The following ASAH2 variants were observed in gnomAD, a reference collection of about 807,000 sequenced individuals.
The protein encoded by ASAH2 is neutral ceramidase.
A neutral mutation model predicts 82.9 loss-of-function variants in ASAH2; 58 were observed. The ratio of observed to expected loss-of-function variants is 0.70; its 90% CI spans 0.57 to 0.87. The LOEUF (loss-of-function observed/expected upper bound fraction) is 0.87. Ranked by LOEUF, ASAH2 falls within the 40% of genes least tolerant of loss-of-function variation. ASAH2 has a pLI of 0.00. For missense variants in ASAH2, 779 were observed against 834.0 expected (o/e 0.93, Z 0.81); for synonymous variants, 276 against 289.7 (o/e 0.95, Z 0.48).
At chr10:50,222,680 A>C (rs915544586) in intron 7 of ASAH2, among the ~76,000 whole-genome samples, 2 of 152,206 alleles carry the variant, frequency 1.3e-5, no homozygotes, top group African/African-American at 4.8e-5. Flanking sequence ...AAAGTTATTT[A>C]AATTGAAGGA....
At chr10:50,197,175 G>A (rs1361924785) in intron 17 of ASAH2, among the ~76,000 whole-genome samples, 6 of 151,332 alleles carry the variant, frequency 4.0e-5, no homozygotes, top group Non-Finnish European at 7.4e-5. Context: ...ACAACATAAG[G>A]ACAGTGACCA....
At chr10:50,195,576 G>A (rs1179752047) in intron 18 of ASAH2, among the ~76,000 whole-genome samples, 1 of 151,404 alleles carries the variant, frequency 6.6e-6, no homozygotes, top group Non-Finnish European at 1.5e-5. Context: ...TCAGTTTGTT[G>A]AAGAGATATG....
At chr10:50,210,729 A>T in intron 12 of ASAH2, 94 bp downstream of exon 12, 2 of 1,138,804 alleles carry the variant, frequency 1.8e-6, no homozygotes, top group Non-Finnish European at 2.7e-6. Flanking sequence ...TTTAAAAATT[A>T]ATAAATGTAT....
intron 7 of ASAH2, among the ~76,000 whole-genome samples, chr10:50,222,547 T>C (rs1845776706): frequency 6.6e-6 from 1 of 152,214 alleles, no homozygotes; most frequent in Non-Finnish European, 1.5e-5. Context: ...CCTAAAGTAC[T>C]GCTTTTACAG....
In ASAH2 at chr10:50,251,432, G is replaced by A. The variant is rs1048135748; in HGVS notation, c.-74C>T. 3.9e-5 allele frequency among the ~76,000 whole-genome samples: 6 copies of A among 152,184 alleles called. No individual in the cohort carries two copies. The highest frequency in any genetic ancestry group is 4.1e-4 in the South Asian group (2 of 4,820). On this transcript the variant is annotated 5_prime_UTR_variant, in exon 1 of 21. Coordinates refer to ENST00000682911, the MANE Select transcript of ASAH2 (RefSeq NM_019893.4). ...CTCAAAAGAGGTTTTGCATCCCAGTGAAGCAAATGGCCATCCAGAATCCTG... is the reference window on the plus strand; with the variant it reads ...CTCAAAAGAGGTTTTGCATCCCAGTAAAGCAAATGGCCATCCAGAATCCTG...
chr10:50,210,002 A>G lies in ASAH2; in HGVS notation c.1414+821T>C, dbSNP rs1243951934. On this transcript the variant is annotated intron_variant, in intron 12 of 20. Transcript: ENST00000682911. Reference sequence around the variant, plus strand: ...CAGCTTCTCAGATGATTAAATATAGAGTTATATAATCCAGCAATTGCACTC... The same window carrying G: ...CAGCTTCTCAGATGATTAAATATAGGGTTATATAATCCAGCAATTGCACTC... Among the ~76,000 whole-genome samples, 3 of 152,288 alleles carry G rather than the reference A, an allele frequency of 2.0e-5. No individual in the cohort carries two copies. In the East Asian group the frequency reaches 5.8e-4, roughly 29 times the overall value.
At chr10:50,233,298 G>T in intron 6 of ASAH2, 37 bp from the exon 7 acceptor site, 1 of 1,437,878 alleles carries the variant, frequency 7.0e-7, no homozygotes, top group Non-Finnish European at 9.8e-7. Context: ...TCAGTTCTGT[G>T]TTAGAGCCTA....
chr10:50,196,622 T>C (rs1485144906), intron 18 of ASAH2, 151 bp downstream of exon 18: 3 of 627,550 alleles, frequency 4.8e-6, no homozygotes, highest in African/African-American at 3.9e-5. Context: ...TATTTCCCCA[T>C]TCTCATTACT....
At chr10:50,198,887 TA>T (rs1251813136) in intron 17 of ASAH2, among the ~76,000 whole-genome samples, 163 bp downstream of exon 17, 1 of 151,986 alleles carries the variant, frequency 6.6e-6, no homozygotes, top group Non-Finnish European at 1.5e-5. Context: ...CACAAAACTA[TA>T]AATTTTGTAA....
chr10:50,194,365 A>G (rs1844919699), intron 18 of ASAH2, among the ~76,000 whole-genome samples: 2 of 151,800 alleles, frequency 1.3e-5, no homozygotes, highest in South Asian at 4.1e-4. Context: ...TAAATACCTT[A>G]TTAAAATAAC....
At chr10:50,214,585 C>T (rs1845547160) in intron 9 of ASAH2, among the ~76,000 whole-genome samples, 158 bp downstream of exon 9, 2 of 152,178 alleles carry the variant, frequency 1.3e-5, no homozygotes, top group African/African-American at 4.8e-5. Context: ...TTAAAATTTA[C>T]TGGGTTTGGA....
intron 7 of ASAH2, among the ~76,000 whole-genome samples, chr10:50,219,618 A>G (rs1389100779): frequency 6.6e-6 from 1 of 152,258 alleles, no homozygotes; most frequent in Admixed American, 6.5e-5. Flanking sequence ...CTTTGTTGAA[A>G]AATCTTTAAA....
Position 50,245,392 on chromosome 10 carries a change from C to T in ASAH2, c.190G>A (p.Ala64Thr), listed in dbSNP as rs146246912. Reference sequence around the variant, plus strand: ...TGCTGGGTGGCTGTGGAGCGTTGGGCAGCTGTGGAGCCCTGGGTGGCTGGA... The same window carrying T: ...TGCTGGGTGGCTGTGGAGCGTTGGGTAGCTGTGGAGCCCTGGGTGGCTGGA... ...SPPATQGSTAAQRSTATQHST... is the reference protein window; with the variant it reads ...SPPATQGSTATQRSTATQHST... Residue 64 changes from alanine to threonine, a missense_variant, in exon 3 of 21, where the codon GCC becomes ACC. Physicochemically the swap from Ala to Thr is moderately conservative, Grantham distance 58. Around this residue, in one of 3 missense-constraint regions of ASAH2, gnomAD observed 759 missense variants for 755.2 expected, o/e 1.00. Transcript: ENST00000682911. 11 of 1,613,408 alleles carry T rather than the reference C, an allele frequency of 6.8e-6. No homozygotes were observed. The African/African-American group carries it at 9.4e-5, about 14-fold the overall frequency.
chr10:50,207,031 A>T (rs1354187345), intron 12 of ASAH2, among the ~76,000 whole-genome samples: 1 of 152,146 alleles, frequency 6.6e-6, no homozygotes, highest in East Asian at 1.9e-4. Flanking sequence ...GAAAAAATGG[A>T]GAAGCTTGCA....
At position 50,233,413 on chromosome 10, in the gene ASAH2, C is replaced by T. The variant is rs1846064794; in HGVS notation, c.816-152G>A. 3.4e-5 allele frequency: 22 copies of T among 652,948 alleles called. 1 individual carries two copies. In the South Asian group the frequency reaches 4.1e-4, roughly 12 times the overall value. 40.4% of individuals were successfully genotyped at this position (652,948 alleles called of 1,614,324 possible). On this transcript the variant is annotated intron_variant, in intron 6 of 20. Coordinates refer to ENST00000682911, the MANE Select transcript of ASAH2 (RefSeq NM_019893.4). The stretch of plus-strand genomic sequence containing the variant: ...TAGTTCTGTGAACTGTATCCAGTAC[C>T]TCATTTATCAGCTAAGGAAAGGCTA...
Position 50,244,313 on chromosome 10 carries a change from A to T in ASAH2, c.360+909T>A, listed in dbSNP as rs149410583. Among the ~76,000 whole-genome samples the T allele has an allele frequency of 2.6e-5, 4 of 152,282 alleles. No individual in the cohort carries two copies. In the East Asian group the frequency reaches 7.7e-4, roughly 29 times the overall value. ...ACAACTCCTTAAACCAAATCAGATCACATACACCTATCCCAAGCCACTTCT... is the reference window on the plus strand; with the variant it reads ...ACAACTCCTTAAACCAAATCAGATCTCATACACCTATCCCAAGCCACTTCT... On this transcript the variant is annotated intron_variant, in intron 3 of 20. Transcript: ENST00000682911.
intron 8 of ASAH2, among the ~76,000 whole-genome samples, chr10:50,215,981 A>T (rs1845586342): frequency 6.6e-6 from 1 of 152,242 alleles, no homozygotes; most frequent in South Asian, 2.1e-4. Flanking sequence ...CTATGCAGCC[A>T]TAAAAAAGGA....
intron 7 of ASAH2, among the ~76,000 whole-genome samples, chr10:50,229,802 C>G (rs1005313056): frequency 1.4e-4 from 22 of 152,312 alleles, no homozygotes; most frequent in African/African-American, 5.3e-4. Context: ...ATTGCTGTCA[C>G]TTCCTCAGGG....
At position 50,205,031 on chromosome 10, in the gene ASAH2, A is replaced by T. The variant is rs1845259098; in HGVS notation, c.1531-76T>A. ...GTCAACAGACATATAGTGGTCCCAGAATTTCCTCTAGTTTCTAATTTATGA... is the reference window on the plus strand; with the variant it reads ...GTCAACAGACATATAGTGGTCCCAGTATTTCCTCTAGTTTCTAATTTATGA... On this transcript the variant is annotated intron_variant, in intron 13 of 20. Coordinates refer to ENST00000682911, the MANE Select transcript of ASAH2 (RefSeq NM_019893.4). 7 of 979,086 alleles carry T rather than the reference A, an allele frequency of 7.1e-6. No homozygotes were observed. The South Asian group carries it at 1.2e-4, about 17-fold the overall frequency. 60.6% of individuals were successfully genotyped at this position (979,086 alleles called of 1,614,324 possible).
Sources: allele counts gnomAD v4.1 joint callset (sites outside exome capture counted in the v4.1 genomes callset), GRCh38; gene constraint gnomAD v4.1.1; regional missense constraint gnomAD v4.1.1; transcripts MANE v1.5; gene names NCBI Gene and HGNC (gene_info 2026-07-23, HGNC 2026-07-21).